The following DNAJC13 variants were observed in gnomAD, a reference collection of about 807,000 sequenced individuals.
DNAJC13 encodes dnaJ homolog subfamily C member 13.
A neutral mutation model predicts 290.5 loss-of-function variants in DNAJC13; 75 were observed. The ratio of observed to expected loss-of-function variants is 0.26; its 90% CI spans 0.21 to 0.31. The LOEUF is 0.31. DNAJC13 is among the 10% of genes least tolerant of loss of function. The pLI is 1.00. For missense variants in DNAJC13, 2,260 were observed against 2,674.5 expected (o/e 0.85, Z 3.42); for synonymous variants, 862 against 892.0 (o/e 0.97, Z 0.60).
chr3:132,530,411 G>A (rs1271657982), intron 54 of DNAJC13, among the ~76,000 whole-genome samples: 1 of 152,192 alleles, frequency 6.6e-6, no homozygotes, highest in East Asian at 1.9e-4. Flanking sequence ...TCTTAGTTTA[G>A]TGCATATTCC....
At position 132,528,199 on chromosome 3, in the gene DNAJC13, C is replaced by T. The variant is rs1254490990; in HGVS notation, c.6392C>T (p.Ala2131Val). 2 of 1,613,932 alleles carry T rather than the reference C, an allele frequency of 1.2e-6. No individual in the cohort carries two copies. Among genetic ancestry groups the T allele is most frequent in the South Asian group, 1.1e-5 (1 of 91,058 alleles). The change falls in exon 54 of 56, where the codon GCA becomes GTA. Residue 2131 changes from alanine (A) to valine (V), a missense_variant. Coordinates refer to ENST00000260818, the MANE Select transcript of DNAJC13 (RefSeq NM_015268.4). ...TAATATTTCTTCTAGGCCCTGAAAGCAGATTTGGTTCCATACCTCTTAAAA... is the reference window on the plus strand; with the variant it reads ...TAATATTTCTTCTAGGCCCTGAAAGTAGATTTGGTTCCATACCTCTTAAAA... ...QSELVAQALK[A>V]DLVPYLLKLL...
At chr3:132,450,875 ACTT>A in intron 6 of DNAJC13, 28 bp downstream of exon 6, 11 of 1,240,966 alleles carry the variant, frequency 8.9e-6, no homozygotes, top group Non-Finnish European at 1.1e-5. Context: ...AAAAAAAAAC[ACTT>A]TAAAAGGGTC....
At chr3:132,438,073 G>T (rs1939427220) in intron 2 of DNAJC13, among the ~76,000 whole-genome samples, 1 of 148,094 alleles carries the variant, frequency 6.8e-6, no homozygotes, top group Non-Finnish European at 1.5e-5. Context: ...AAAAAAGGCA[G>T]CTGACAGTTT....
Position 132,499,153 on chromosome 3 carries a change from A to T in DNAJC13, c.4184A>T (p.Tyr1395Phe). The change falls in exon 37 of 56, where the codon TAC becomes TTC. Residue 1395 changes from tyrosine to phenylalanine, a missense_variant. Transcript: ENST00000260818. ...EDLQPYKYAGYPMLIRTITME... is the reference protein window; with the variant it reads ...EDLQPYKYAGFPMLIRTITME... ...TTACAGCCTTATAAATATGCAGGAT[A>T]CCCCATGCTTATTCGGACTATAACA... is the stretch of plus-strand genomic sequence containing the variant. 1 of 1,610,218 alleles carries T rather than the reference A, an allele frequency of 6.2e-7. No individual in the cohort carries two copies. The highest frequency in any genetic ancestry group is 1.1e-5 in the South Asian group (1 of 90,696).
In DNAJC13 at chr3:132,483,386, G is replaced by C. The variant is rs752189478; in HGVS notation, c.2991G>C (p.Leu997Phe). 7.4e-6 allele frequency: 12 copies of C among 1,614,002 alleles called. No individual in the cohort carries two copies. Among genetic ancestry groups the C allele is most frequent in the South Asian group, 1.1e-5 (1 of 91,072 alleles). ...CTTCCATCCATTAGATGCAAGAATT[G>C]TGGACCAAAGGAATGTTAAATGCAA... ...GPYGFHEMQE[L>F]WTKGMLNAKT... Residue 997 changes from leucine to phenylalanine, a missense_variant, in exon 28 of 56, where the codon TTG becomes TTC. Coordinates refer to ENST00000260818, the MANE Select transcript of DNAJC13 (RefSeq NM_015268.4).
chr3:132,464,141 C>T (rs1335232889), intron 17 of DNAJC13, among the ~76,000 whole-genome samples: 1 of 152,194 alleles, frequency 6.6e-6, no homozygotes, highest in East Asian at 1.9e-4. Context: ...CTCCTTATAT[C>T]CCTGTGACCA....
At chr3:132,507,440 A>C in intron 43 of DNAJC13, 87 bp downstream of exon 43, 1 of 775,626 alleles carries the variant, frequency 1.3e-6, no homozygotes. Context: ...ATAGAGGCAC[A>C]CTTCATTTTA....
In DNAJC13 at chr3:132,477,808, C is replaced by A. The variant is rs1934522486; in HGVS notation, c.2465C>A (p.Ala822Glu). ...HEFEVKYECL[A>E]EEIKIGDYYL... ...ATGAAGGTTAAATATGAGTGCCTGG[C>A]AGAGGAAATTAAAATAGGAGACTAT... Residue 822 changes from alanine (A) to glutamate (E), a missense_variant, in exon 23 of 56, where the codon GCA becomes GAA. This residue lies in a region of DNAJC13 where 4 missense variants were observed against 16.7 expected (regional missense o/e 0.24). Transcript: ENST00000260818. The A allele has an allele frequency of 6.2e-7, 1 of 1,611,594 alleles. No individual in the cohort carries two copies. Among genetic ancestry groups the A allele is most frequent in the Non-Finnish European group, 8.5e-7 (1 of 1,179,148 alleles).
intron 55 of DNAJC13, chr3:132,537,140 T>G (rs564073798): frequency 3.5e-5 from 16 of 456,192 alleles, no homozygotes; most frequent in African/African-American, 1.0e-4. Flanking sequence ...GCTGCTTATA[T>G]TTCTTTTTTC....
intron 5 of DNAJC13, 64 bp downstream of exon 5, chr3:132,448,003 C>A: frequency 8.6e-7 from 1 of 1,160,198 alleles, no homozygotes; most frequent in South Asian, 1.4e-5. Context: ...TTGTAGAAAT[C>A]ATTTCATAAT....
rs1474265454 is a variant in DNAJC13 at position 132,492,592 on chromosome 3, C to T, written c.3802C>T (p.Pro1268Ser). The T allele has an allele frequency of 1.9e-6, 3 of 1,613,444 alleles. No individual in the cohort carries two copies. The African/African-American group carries it at 4.0e-5, about 22-fold the overall frequency. Residue 1268 changes from proline (P) to serine (S), a missense_variant, in exon 33 of 56, where the codon CCA (proline) becomes TCA (serine). Coordinates refer to ENST00000260818, the MANE Select transcript of DNAJC13 (RefSeq NM_015268.4). ...ACAACTGTGTGATACACTCCGGTTT[C>T]CAGATTGGCCAATTAAAGACCCGGT... Reference protein sequence around the residue: ...LKQLCDTLRFPDWPIKDPVKL... With the variant: ...LKQLCDTLRFSDWPIKDPVKL...
intron 40 of DNAJC13, 66 bp downstream of exon 40, chr3:132,502,534 A>G: frequency 2.2e-6 from 3 of 1,364,640 alleles, no homozygotes; most frequent in Non-Finnish European, 2.9e-6. Flanking sequence ...AAACTAATCC[A>G]AACCAAAGCT....
At chr3:132,475,113 A>G (rs760506695) in intron 22 of DNAJC13, 28 bp downstream of exon 22, 10 of 1,520,594 alleles carry the variant, frequency 6.6e-6, no homozygotes, top group Non-Finnish European at 8.8e-6. Context: ...CAGTATATTA[A>G]TCTTAAAAAA....
intron 46 of DNAJC13, chr3:132,514,917 T>TAC: frequency 5.0e-6 from 1 of 200,910 alleles, no homozygotes; most frequent in South Asian, 4.4e-5. Flanking sequence ...GATTTTCAGT[T>TAC]TGTTGAGATC....
intron 43 of DNAJC13, among the ~76,000 whole-genome samples, chr3:132,509,862 A>ACTGG (rs1559905654): frequency 5.0e-4 from 76 of 152,332 alleles, no homozygotes; most frequent in African/African-American, 1.7e-3. Context: ...AGTATAATGT[A>ACTGG]AAAATAACTT....
intron 54 of DNAJC13, among the ~76,000 whole-genome samples, chr3:132,529,042 C>T (rs940771331): frequency 1.3e-5 from 2 of 152,050 alleles, no homozygotes; most frequent in Admixed American, 1.3e-4. Flanking sequence ...CAGTGTTGTA[C>T]AAACACCACC....
intron 5 of DNAJC13, among the ~76,000 whole-genome samples, chr3:132,449,433 C>G (rs979061455): frequency 7.2e-5 from 11 of 152,054 alleles, no homozygotes; most frequent in Admixed American, 7.2e-4. Context: ...ATTTTTGTGC[C>G]CTGCCTTCTC....
chr3:132,461,000 G>A lies in DNAJC13; in HGVS notation c.1558-50G>A, dbSNP rs375538677. The A allele has an allele frequency of 5.2e-6, 8 of 1,543,018 alleles. No homozygotes were observed. The African/African-American group carries it at 1.1e-4, about 21-fold the overall frequency. ...AACACATTATTGTTAAAATTTAACT[G>A]AAGGTCCCCATCTCTTAAGTCTTTA... On this transcript the variant is annotated intron_variant, in intron 14 of 55. Transcript: ENST00000260818.
At chr3:132,527,448 A>G (rs1936295673) in intron 53 of DNAJC13, among the ~76,000 whole-genome samples, 1 of 152,184 alleles carries the variant, frequency 6.6e-6, no homozygotes, top group Non-Finnish European at 1.5e-5. Context: ...TCAAGGAGAT[A>G]CTGGATGCTC....
Sources: gnomAD v4.1 joint callset for allele counts (sites outside exome capture counted in the v4.1 genomes callset) on GRCh38, gnomAD v4.1.1 for gene constraint, gnomAD v4.1.1 regional missense constraint, MANE v1.5 for transcripts, NCBI Gene and HGNC (gene_info 2026-07-23, HGNC 2026-07-21) for gene names.